The following FNIP2 variants were observed in gnomAD, a reference collection of about 807,000 sequenced individuals.
The protein encoded by FNIP2 is folliculin interacting protein 2, also known as folliculin-interacting protein 2.
In FNIP2, 32 loss-of-function variants were observed where a neutral mutation model predicts 108.7. That is an observed-to-expected ratio of 0.29 (90% CI 0.22 to 0.40). FNIP2 has a LOEUF of 0.40. Ranked by LOEUF, FNIP2 falls within the 10% of genes least tolerant of loss-of-function variation. FNIP2 has a pLI of 1.00. For missense variants in FNIP2, 1,202 were observed against 1,381.6 expected, an observed-to-expected ratio of 0.87 and a Z score of 2.06; for synonymous variants, 480 against 496.7, an observed-to-expected ratio of 0.97 and a Z score of 0.45.
intron 7 of FNIP2, among the ~76,000 whole-genome samples, chr4:158,845,413 GTCTTTT>G (rs1005574137): frequency 4.6e-5 from 7 of 152,166 alleles, no homozygotes. Context: ...TTGCTGTCTT[GTCTTTT>G]TCTTTTTAAA....
intron 1 of FNIP2, among the ~76,000 whole-genome samples, chr4:158,793,269 G>A (rs1459219089): frequency 6.6e-6 from 1 of 152,184 alleles, no homozygotes; most frequent in African/African-American, 2.4e-5. Context: ...AGAACCCTGA[G>A]ACGTGATCTA....
chr4:158,779,244 G>A (rs866862920), intron 1 of FNIP2, among the ~76,000 whole-genome samples: 26 of 152,094 alleles, frequency 1.7e-4, no homozygotes, highest in African/African-American at 5.8e-4. Context: ...ACAAATGTTT[G>A]TGCACAAAGA....
At chr4:158,830,689 G>A (rs1778432345) in intron 3 of FNIP2, among the ~76,000 whole-genome samples, 1 of 152,240 alleles carries the variant, frequency 6.6e-6, no homozygotes, top group African/African-American at 2.4e-5. Flanking sequence ...AGATTTGGAA[G>A]AGTATGTTAA....
At chr4:158,819,981 G>T (rs1276781857) in intron 1 of FNIP2, among the ~76,000 whole-genome samples, 2 of 152,192 alleles carry the variant, frequency 1.3e-5, no homozygotes, top group Non-Finnish European at 2.9e-5. Flanking sequence ...TAGGAGCAGG[G>T]TTATGGTTTG....
At chr4:158,809,091 A>T (rs1777129382) in intron 1 of FNIP2, among the ~76,000 whole-genome samples, 1 of 152,226 alleles carries the variant, frequency 6.6e-6, no homozygotes, top group Non-Finnish European at 1.5e-5. Flanking sequence ...TCAACAAAAA[A>T]CTACCAAGTT....
rs748512670 is a variant in FNIP2, at chr4:158,829,157, A to G, written c.313A>G (p.Ser105Gly). 1 of 1,613,374 alleles carries G rather than the reference A, an allele frequency of 6.2e-7. No homozygotes were observed. The highest frequency in any genetic ancestry group is 8.5e-7 in the Non-Finnish European group (1 of 1,179,640). Residue 105 changes from serine (S) to glycine (G), a missense_variant, in exon 3 of 17, where the codon AGC becomes GGC. Physicochemically the swap from Ser to Gly is moderately conservative, Grantham distance 56. Around this residue, in one of 5 missense-constraint regions of FNIP2, gnomAD observed 173 missense variants for 165.9 expected, o/e 1.04. Coordinates refer to ENST00000264433, the MANE Select transcript of FNIP2 (RefSeq NM_020840.3). ...SSSVSSSSSS[S>G]ISSHSSSGGS... ...CAGTGTCAGCAGCAGTAGCAGCAGCAGCATCTCTTCCCACAGTTCTTCTGG... is the reference window on the plus strand; with the variant it reads ...CAGTGTCAGCAGCAGTAGCAGCAGCGGCATCTCTTCCCACAGTTCTTCTGG...
intron 1 of FNIP2, among the ~76,000 whole-genome samples, chr4:158,804,488 A>T (rs1285736874): frequency 1.4e-5 from 2 of 145,718 alleles, no homozygotes; most frequent in Non-Finnish European, 3.0e-5. Flanking sequence ...GTCATAGCTG[A>T]CTGCAGTCCT....
chr4:158,894,730 T>G (rs1006706318), intron 15 of FNIP2, among the ~76,000 whole-genome samples: 1 of 152,204 alleles, frequency 6.6e-6, no homozygotes, highest in African/African-American at 2.4e-5. Context: ...TGGAGGAGCA[T>G]TTCCATGAGA....
At chr4:158,844,252 T>G (rs1779279486) in intron 7 of FNIP2, among the ~76,000 whole-genome samples, 1 of 152,202 alleles carries the variant, frequency 6.6e-6, no homozygotes, top group Non-Finnish European at 1.5e-5. Flanking sequence ...TGGCATATAG[T>G]AGATGCTCAA....
rs972425761 is a variant in FNIP2 at position 158,833,942 on chromosome 4, G to A, written c.655+314G>A. Reference sequence around the variant, plus strand: ...TGACCCACACATATTAATAAATCCTGTGCAGGTTCTTAGGAAAAATCCTAC... The same window carrying A: ...TGACCCACACATATTAATAAATCCTATGCAGGTTCTTAGGAAAAATCCTAC... On this transcript the variant is annotated intron_variant, in intron 6 of 16. Transcript: ENST00000264433. 10 of 1,177,232 alleles carry A rather than the reference G, an allele frequency of 8.5e-6. No individual in the cohort carries two copies. In the African/African-American group the frequency reaches 1.1e-4, roughly 13 times the overall value. 72.9% of individuals were successfully genotyped at this position (1,177,232 alleles called of 1,614,324 possible). A position where few individuals can be genotyped will look rare whatever the true frequency, so the allele number is the denominator to read the frequency against.
chr4:158,807,203 A>G (rs974142183), intron 1 of FNIP2, among the ~76,000 whole-genome samples: 6 of 152,190 alleles, frequency 3.9e-5, no homozygotes, highest in African/African-American at 1.2e-4. Context: ...AAGCAAGTTT[A>G]TAAGTGCATT....
At chr4:158,838,461 T>TCCA (rs946144563) in intron 7 of FNIP2, among the ~76,000 whole-genome samples, 31 of 152,314 alleles carry the variant, frequency 2.0e-4, no homozygotes, top group Admixed American at 7.8e-4. Flanking sequence ...GCTCAAGCAG[T>TCCA]CCACCCACCT....
chr4:158,879,394 T>C (rs1781461725), intron 14 of FNIP2, among the ~76,000 whole-genome samples: 1 of 150,374 alleles, frequency 6.7e-6, no homozygotes, highest in East Asian at 1.9e-4. Flanking sequence ...AAGGCGGCTG[T>C]GGTGAGGACT....
At position 158,882,030 on chromosome 4, in the gene FNIP2, C is replaced by T. The variant is rs930398713; in HGVS notation, c.2950-9416C>T. On this transcript the variant is annotated intron_variant, in intron 14 of 16. Transcript: ENST00000264433. ...GGAGTGTCTCTGCCCAGTCTCTGCC[C>T]GGCCGCCCATTGTCTGAGATGTGGG... is the stretch of plus-strand genomic sequence containing the variant. Among the ~76,000 whole-genome samples the T allele has an allele frequency of 1.5e-4, 23 of 151,294 alleles. No homozygotes were observed. In the East Asian group the frequency reaches 2.9e-3, roughly 19 times the overall value.
chr4:158,878,205 T>C (rs961012532), intron 14 of FNIP2, among the ~76,000 whole-genome samples: 4 of 152,176 alleles, frequency 2.6e-5, no homozygotes, highest in Non-Finnish European at 5.9e-5. Flanking sequence ...TCAGTCTTGA[T>C]ACAGGTCCTA....
At chr4:158,806,493 G>C in intron 1 of FNIP2, 1 of 1,068,272 alleles carries the variant, frequency 9.4e-7, no homozygotes, top group African/African-American at 1.6e-5. Context: ...TAAGGAGATG[G>C]AATTGTATTG....
chr4:158,897,190 C>T (rs1265911839), intron 16 of FNIP2, among the ~76,000 whole-genome samples: 2 of 152,194 alleles, frequency 1.3e-5, no homozygotes, highest in African/African-American at 4.8e-5. Flanking sequence ...TTTATGGTTG[C>T]ATAGTATTCC....
chr4:158,877,013 T>C (rs553759243), intron 14 of FNIP2, among the ~76,000 whole-genome samples: 1 of 152,344 alleles, frequency 6.6e-6, no homozygotes, highest in Non-Finnish European at 1.5e-5. Context: ...TTTTACTACC[T>C]ACAAGATATT....
At position 158,788,189 on chromosome 4, in the gene FNIP2, G is replaced by A. The variant is rs192012241; in HGVS notation, c.107+18870G>A. ...TTAAGTGGGTGGTTCTTGCAGTTAC[G>A]ACCGTGCTGGGCGCGTAGTAAGTAC... On this transcript the variant is annotated intron_variant, in intron 1 of 16. Coordinates refer to ENST00000264433, the MANE Select transcript of FNIP2 (RefSeq NM_020840.3). 5.9e-5 allele frequency among the ~76,000 whole-genome samples: 9 copies of A among 152,262 alleles called. No individual in the cohort carries two copies. In the East Asian group the frequency reaches 1.2e-3, roughly 20 times the overall value.
Sources: gnomAD v4.1 joint callset for allele counts (sites outside exome capture counted in the v4.1 genomes callset) on GRCh38, gnomAD v4.1.1 for gene constraint, gnomAD v4.1.1 regional missense constraint, MANE v1.5 for transcripts, NCBI Gene and HGNC (gene_info 2026-07-23, HGNC 2026-07-21) for gene names.